The following ASAP1 variants were observed in gnomAD, a reference collection of about 807,000 sequenced individuals.
ASAP1 encodes ArfGAP with SH3 domain, ankyrin repeat and PH domain 1, also known as arf-GAP with SH3 domain, ANK repeat and PH domain-containing protein 1.
Under a neutral mutation model 145.2 loss-of-function variants are expected in ASAP1, and 43 were observed. The observed-to-expected ratio is 0.30, with a 90% CI of 0.23 to 0.38. ASAP1 has a LOEUF of 0.38. ASAP1 is among the 10% of genes least tolerant of loss of function. ASAP1 has a pLI of 1.00. For synonymous variants in ASAP1, 546 were observed against 515.5 expected (o/e 1.06, Z -0.80); for missense variants, 1,018 against 1,355.3 (o/e 0.75, Z 3.91).
chr8:130,405,008 C>A (rs1828961605), intron 1 of ASAP1, among the ~76,000 whole-genome samples: 1 of 151,890 alleles, frequency 6.6e-6, no homozygotes, highest in African/African-American at 2.4e-5. Flanking sequence ...AGCCAAACCA[C>A]AACCAACCCA....
At chr8:130,362,070 G>C (rs374900830) in intron 2 of ASAP1, among the ~76,000 whole-genome samples, 4 of 152,156 alleles carry the variant, frequency 2.6e-5, no homozygotes, top group African/African-American at 9.7e-5. Flanking sequence ...AAGGCAGCAG[G>C]AACAGTGGTG....
chr8:130,191,954 T>C (rs1263708994), intron 5 of ASAP1, among the ~76,000 whole-genome samples: 1 of 152,110 alleles, frequency 6.6e-6, no homozygotes, highest in Admixed American at 6.5e-5. Flanking sequence ...TTCTACCTCT[T>C]TACTCTCCCT....
chr8:130,418,539 A>AAAAT (rs71572335), intron 1 of ASAP1, among the ~76,000 whole-genome samples: 2,527 of 147,718 alleles, frequency 0.017, 47 homozygotes, highest in African/African-American at 0.042. Flanking sequence ...CCTCTGTCTC[A>AAAAT]AAATAAATAA....
chr8:130,118,230 G>A lies in ASAP1; in HGVS notation c.1811C>T (p.Ala604Val). The A allele has an allele frequency of 1.2e-6, 2 of 1,613,832 alleles. No homozygotes were observed. The highest frequency in any genetic ancestry group is 1.7e-6 in the Non-Finnish European group (2 of 1,179,826). The change falls in exon 20 of 30, where the codon GCC (alanine) becomes GTC (valine). Residue 604 changes from alanine to valine, a missense_variant. Physicochemically the swap from Ala to Val is moderately conservative, Grantham distance 64 (BLOSUM62 0). This residue lies in a region of ASAP1 where 353 missense variants were observed against 375.4 expected (regional missense o/e 0.94). Transcript: ENST00000518721. The part of the protein sequence containing the change: ...LEPGQELGET[A>V]LHLAVRTADQ... ...TGCAGTTCGGACGGCAAGGTGAAGGGCTGTCTCCCCAAGCTCCTAAAAAGG... is the reference window on the plus strand; with the variant it reads ...TGCAGTTCGGACGGCAAGGTGAAGGACTGTCTCCCCAAGCTCCTAAAAAGG...
chr8:130,436,925 G>A (rs980521725), intron 1 of ASAP1, among the ~76,000 whole-genome samples: 2 of 151,888 alleles, frequency 1.3e-5, no homozygotes, highest in African/African-American at 4.8e-5. Flanking sequence ...TGGCCAACAT[G>A]GTGAAACCCC....
chr8:130,365,454 G>T (rs1826906776), intron 2 of ASAP1, among the ~76,000 whole-genome samples: 1 of 152,152 alleles, frequency 6.6e-6, no homozygotes, highest in Non-Finnish European at 1.5e-5. Flanking sequence ...TGTTTTATGG[G>T]AGTCCTAAAA....
At chr8:130,298,647 C>A (rs778096043) in intron 3 of ASAP1, among the ~76,000 whole-genome samples, 1 of 152,218 alleles carries the variant, frequency 6.6e-6, no homozygotes, top group Non-Finnish European at 1.5e-5. Flanking sequence ...TTTCCAGGCT[C>A]ATTACCGTTC....
chr8:130,257,789 C>T (rs1027481762), intron 3 of ASAP1, among the ~76,000 whole-genome samples: 1 of 133,942 alleles, frequency 7.5e-6, no homozygotes, highest in Non-Finnish European at 1.7e-5. Flanking sequence ...CAAGAGCACC[C>T]CCCCCCCATT....
In ASAP1 at chr8:130,377,575, GTCAA is replaced by G. The variant is rs796813960; in HGVS notation, c.60-19436_60-19433del. Among the ~76,000 whole-genome samples the G allele has an allele frequency of 1.1e-4, 16 of 152,344 alleles. No homozygotes were observed. In the South Asian group the frequency reaches 3.1e-3, roughly 30 times the overall value. On this transcript the variant is annotated intron_variant, in intron 2 of 29. Transcript: ENST00000518721. ...GGCCCCAGCTCTCAAGGAGCCTATG[GTCAA>G]TCAGAGTATGCAGATGGCCTGCCAG...
chr8:130,215,133 C>G (rs1323627804), intron 4 of ASAP1, among the ~76,000 whole-genome samples: 1 of 152,068 alleles, frequency 6.6e-6, no homozygotes, highest in Non-Finnish European at 1.5e-5. Flanking sequence ...AACTCCTGAC[C>G]TTGTGATCCG....
At chr8:130,283,704 TAAG>T (rs1821414151) in intron 3 of ASAP1, among the ~76,000 whole-genome samples, 1 of 151,264 alleles carries the variant, frequency 6.6e-6, no homozygotes, top group East Asian at 1.9e-4. Context: ...ACTAACTTGA[TAAG>T]AACAGAAAGT....
At chr8:130,218,881 A>G (rs1050678689) in intron 4 of ASAP1, among the ~76,000 whole-genome samples, 4 of 151,900 alleles carry the variant, frequency 2.6e-5, no homozygotes, top group Non-Finnish European at 4.4e-5. Flanking sequence ...GTATGTATGT[A>G]TGTGTGTATA....
At chr8:130,206,072 A>G (rs1312056457) in intron 5 of ASAP1, among the ~76,000 whole-genome samples, 1 of 152,148 alleles carries the variant, frequency 6.6e-6, no homozygotes, top group East Asian at 1.9e-4. Context: ...GATTTTTTAA[A>G]TAGAAGGAGT....
intron 3 of ASAP1, among the ~76,000 whole-genome samples, chr8:130,302,929 G>GT (rs1822767583): frequency 6.6e-6 from 1 of 152,102 alleles, no homozygotes; most frequent in African/African-American, 2.4e-5. Context: ...CTACAACATT[G>GT]TAAGACCTGG....
chr8:130,147,291 T>C (rs1391839964), intron 13 of ASAP1, among the ~76,000 whole-genome samples: 1 of 149,908 alleles, frequency 6.7e-6, no homozygotes, highest in African/African-American at 2.5e-5. Context: ...GTAATACTAA[T>C]AGCTGACATT....
rs768151542 is a variant in ASAP1, at chr8:130,126,093, T to C, written c.1382-4A>G. On this transcript the variant is annotated splice_polypyrimidine_tract_variant and splice_region_variant and intron_variant, in intron 16 of 29. Transcript: ENST00000518721. ...TTGGTTGAAAGCCAGGTGGGTTCTG[T>C]GGAAAGAATGTTGAAGACAATGAAA... is the stretch of plus-strand genomic sequence containing the variant. The C allele has an allele frequency of 7.5e-6, 12 of 1,602,942 alleles. No homozygotes were observed. The highest frequency in any genetic ancestry group is 1.3e-5 in the African/African-American group (1 of 74,190).
chr8:130,259,298 C>T (rs1471325244), intron 3 of ASAP1, among the ~76,000 whole-genome samples: 1 of 152,186 alleles, frequency 6.6e-6, no homozygotes, highest in Non-Finnish European at 1.5e-5. Context: ...CTATTTTCTA[C>T]TCCTTTTAAA....
At chr8:130,070,830 GGAGAGAGAGGGAGAGAGGGAGAGAGA>G (rs2097441799) in intron 27 of ASAP1, among the ~76,000 whole-genome samples, 1 of 25,886 alleles carries the variant, frequency 3.9e-5, no homozygotes, top group African/African-American at 1.8e-4. Context: ...AGGGAGAGAG[GGAGAGAGAGGGAGAGAGGGAGAGAGA>G]GGGAGAGAGG....
intron 1 of ASAP1, among the ~76,000 whole-genome samples, chr8:130,438,786 A>G (rs1411166793): frequency 6.6e-6 from 1 of 152,148 alleles, no homozygotes; most frequent in African/African-American, 2.4e-5. Context: ...CGAAGGAGTG[A>G]CTGTGAGGAC....
Sources: gnomAD v4.1 joint callset for allele counts (sites outside exome capture counted in the v4.1 genomes callset) on GRCh38, gnomAD v4.1.1 for gene constraint, gnomAD v4.1.1 regional missense constraint, MANE v1.5 for transcripts, NCBI Gene and HGNC (gene_info 2026-07-23, HGNC 2026-07-21) for gene names.